The following ST7 variants were observed in gnomAD, a reference collection of about 807,000 sequenced individuals.
The protein encoded by ST7 is suppressor of tumorigenicity 7 protein.
In ST7, 28 loss-of-function variants were observed where a neutral mutation model predicts 78.7. That is an observed-to-expected ratio of 0.36 (90% CI 0.26 to 0.49). ST7 has a LOEUF of 0.49. Among genes scored for constraint, ST7 ranks in the 20% least tolerant of loss-of-function variants. The pLI, the probability that ST7 is intolerant of heterozygous loss-of-function variation, is 0.99. For synonymous variants in ST7, 247 were observed against 249.6 expected, an observed-to-expected ratio of 0.99 and a Z score of 0.10; for missense variants, 418 against 696.0, an observed-to-expected ratio of 0.60 and a Z score of 4.49.
At chr7:117,095,467 A>G (rs570486669) in intron 1 of ST7, among the ~76,000 whole-genome samples, 1 of 152,274 alleles carries the variant, frequency 6.6e-6, no homozygotes, top group African/African-American at 2.4e-5. Flanking sequence ...TGCCACACTT[A>G]ATTCCTTCAC....
chr7:117,119,409 A>AG (rs1803178880), intron 2 of ST7, 152 bp from the exon 3 acceptor site: 1 of 772,268 alleles, frequency 1.3e-6, no homozygotes, highest in Non-Finnish European at 1.9e-6. Context: ...TGTTATTATT[A>AG]AATTTACTAA....
At chr7:117,213,032 T>G (rs747959729) in intron 13 of ST7, among the ~76,000 whole-genome samples, 6 of 152,166 alleles carry the variant, frequency 3.9e-5, no homozygotes, top group Admixed American at 1.3e-4. Flanking sequence ...CTTTAGTAAT[T>G]TTTAGAAACT....
chr7:117,164,490 ATATGAGC>A (rs1807391847), intron 9 of ST7, among the ~76,000 whole-genome samples: 1 of 152,184 alleles, frequency 6.6e-6, no homozygotes, highest in Non-Finnish European at 1.5e-5. Flanking sequence ...AGAAGATGCC[ATATGAGC>A]TAAGACCCAG....
In ST7 at chr7:116,953,689, C is replaced by G; in HGVS notation, c.149C>G (p.Thr50Arg). 1 of 1,475,070 alleles carries G rather than the reference C, an allele frequency of 6.8e-7. No homozygotes were observed. Among genetic ancestry groups the G allele is most frequent in the Non-Finnish European group, 9.1e-7 (1 of 1,096,982 alleles). 91.4% of individuals were successfully genotyped at this position (1,475,070 alleles called of 1,614,324 possible). Residue 50 changes from threonine to arginine, a missense_variant and splice_region_variant, in exon 1 of 16, where the codon ACA becomes AGA. Physicochemically the swap from Thr to Arg is moderately conservative, Grantham distance 71. Coordinates refer to ENST00000323984, the MANE Select transcript of ST7 (RefSeq NM_001369598.1). ...TTGAAAATCAACGACAACTTGAGCA[C>G]AGGTAAGGCCTGGGAGCCGGGCCCG... ...VPLKINDNLS[T>R]VSMFLNTLTP...
chr7:117,203,590 A>G (rs1418299841), intron 12 of ST7, among the ~76,000 whole-genome samples: 1 of 152,128 alleles, frequency 6.6e-6, no homozygotes. Flanking sequence ...AATTAGTAAA[A>G]TTGATGTTTT....
rs574601977 is a variant in ST7, at chr7:117,118,664, C to A, written c.235-897C>A. Among the ~76,000 whole-genome samples the A allele has an allele frequency of 2.6e-5, 4 of 152,170 alleles. No individual in the cohort carries two copies. The East Asian group carries it at 7.7e-4, about 29-fold the overall frequency. On this transcript the variant is annotated intron_variant, in intron 2 of 15. Transcript: ENST00000323984. ...TCTTCTGTGGAATGATTTGTGACTG[C>A]CTAAGGAAACCCCCAGTCAGGGAGG...
chr7:116,972,645 T>C (rs1265681967), intron 1 of ST7: 2 of 1,183,780 alleles, frequency 1.7e-6, no homozygotes, highest in African/African-American at 3.0e-5. Context: ...ACTTCATACC[T>C]CTCTCACTCT....
rs77115455 is a variant in ST7, at chr7:117,084,134, T to C, written c.152-15628T>C. 6.0e-3 allele frequency among the ~76,000 whole-genome samples: 915 copies of C among 152,276 alleles called. 6 individuals are homozygous for C. Among genetic ancestry groups the C allele is most frequent in the African/African-American group, 0.017 (698 of 41,556 alleles). ...GCAGATTTTCCAATTCCTAGAAAAA[T>C]GACCTAGGGAATAGCACTTACCATC... On this transcript the variant is annotated intron_variant, in intron 1 of 15. Transcript: ENST00000323984.
At chr7:117,007,209 G>A (rs913748834) in intron 1 of ST7, among the ~76,000 whole-genome samples, 11 of 152,162 alleles carry the variant, frequency 7.2e-5, no homozygotes, top group Non-Finnish European at 1.5e-4. Context: ...ATGGATGCGA[G>A]GGAAAAATTC....
chr7:117,199,052 G>A (rs1411261984), intron 12 of ST7: 1 of 152,078 alleles, frequency 6.6e-6, no homozygotes, highest in East Asian at 1.9e-4. Flanking sequence ...AAAGCAAGCA[G>A]CTATTTGCTT....
chr7:117,077,335 G>C (rs969841792), intron 1 of ST7, among the ~76,000 whole-genome samples: 3 of 152,144 alleles, frequency 2.0e-5, no homozygotes, highest in Admixed American at 1.3e-4. Flanking sequence ...TTCAGCTGGA[G>C]GGTGGGGCTT....
At chr7:117,132,089 C>G (rs1232471805) in intron 6 of ST7, 129 bp downstream of exon 6, 1 of 960,128 alleles carries the variant, frequency 1.0e-6, no homozygotes, top group East Asian at 2.6e-5. Flanking sequence ...AGTTATTACT[C>G]TATTTAAAAA....
chr7:116,990,807 A>G (rs1303951171), intron 1 of ST7, among the ~76,000 whole-genome samples: 2 of 152,298 alleles, frequency 1.3e-5, no homozygotes, highest in Middle Eastern at 3.4e-3. Context: ...GACACACCAT[A>G]TACTTTACTA....
At chr7:117,156,909 T>G (rs1806737805) in intron 9 of ST7, among the ~76,000 whole-genome samples, 1 of 152,104 alleles carries the variant, frequency 6.6e-6, no homozygotes, top group Admixed American at 6.5e-5. Context: ...CACAGTTGAA[T>G]TTTAAAGGAA....
At chr7:117,109,742 AT>A (rs1802275556) in intron 2 of ST7, among the ~76,000 whole-genome samples, 1 of 152,234 alleles carries the variant, frequency 6.6e-6, no homozygotes, top group Non-Finnish European at 1.5e-5. Context: ...TAACAAAAAA[AT>A]AAAACTACAG....
At chr7:117,207,102 C>T (rs960540248) in intron 12 of ST7, among the ~76,000 whole-genome samples, 1 of 152,036 alleles carries the variant, frequency 6.6e-6, no homozygotes, top group African/African-American at 2.4e-5. Flanking sequence ...GAACTCTTCC[C>T]CTCCCCTGCC....
At chr7:117,169,825 T>G (rs1419839396) in intron 9 of ST7, among the ~76,000 whole-genome samples, 2 of 114,266 alleles carry the variant, frequency 1.8e-5, no homozygotes, top group Admixed American at 8.7e-5. Flanking sequence ...TTTTTTTTTG[T>G]CCTGAGTAGT....
intron 1 of ST7, among the ~76,000 whole-genome samples, chr7:117,069,051 T>A (rs927035257): frequency 6.6e-6 from 1 of 152,244 alleles, no homozygotes; most frequent in African/African-American, 2.4e-5. Context: ...GGCTTCACTC[T>A]GCTGCATTTT....
intron 1 of ST7, chr7:116,959,110 A>G (rs1792687970): frequency 2.2e-6 from 1 of 452,142 alleles, no homozygotes. Flanking sequence ...GGCTTTATCA[A>G]TGAAGTTTAT....
Sources: allele counts gnomAD v4.1 joint callset (sites outside exome capture counted in the v4.1 genomes callset), GRCh38; gene constraint gnomAD v4.1.1; transcripts MANE v1.5; gene names NCBI Gene and HGNC (gene_info 2026-07-23, HGNC 2026-07-21).